Variants in PIEZO2 observed in about 807,000 individuals in gnomAD.
The protein encoded by PIEZO2 is piezo type mechanosensitive ion channel component 2, also known as piezo-type mechanosensitive ion channel component 2.
In PIEZO2, 172 loss-of-function variants were observed where a neutral mutation model predicts 337.3. The ratio of observed to expected loss-of-function variants is 0.51; its 90% CI spans 0.45 to 0.58. The LOEUF (loss-of-function observed/expected upper bound fraction) is 0.58, where lower values mean the gene tolerates loss of function less well. PIEZO2 is among the 20% of genes least tolerant of loss of function. PIEZO2 has a pLI of 0.00. For synonymous variants in PIEZO2, 1,251 were observed against 1,228.5 expected, an observed-to-expected ratio of 1.02 and a Z score of -0.38; for missense variants, 3,028 against 3,391.3, an observed-to-expected ratio of 0.89 and a Z score of 2.66.
At position 11,003,359 on chromosome 18, in the gene PIEZO2, C is replaced by T. The variant is rs965580828; in HGVS notation, c.161-23699G>A. 5.3e-5 allele frequency among the ~76,000 whole-genome samples: 8 copies of T among 152,032 alleles called. No individual in the cohort carries two copies. Among genetic ancestry groups the T allele is most frequent in the Non-Finnish European group, 7.4e-5 (5 of 68,004 alleles). The stretch of plus-strand genomic sequence containing the variant: ...CTGGAAACTGCGGCTTTAAGCAAAA[C>T]GATGTATAGCAAAAACAATTAAACC... On this transcript the variant is annotated intron_variant, in intron 2 of 55. Transcript: ENST00000674853. The surrounding 1 kb of genome is among the most constrained non-coding windows in gnomAD (Gnocchi z 4.6).
intron 7 of PIEZO2, among the ~76,000 whole-genome samples, chr18:10,838,154 G>A (rs1249043310): frequency 6.6e-6 from 1 of 152,024 alleles, no homozygotes. Context: ...TCCATTTCTT[G>A]TGGCATCCCA....
At chr18:10,990,989 A>G (rs1010346425) in intron 2 of PIEZO2, among the ~76,000 whole-genome samples, 1 of 151,992 alleles carries the variant, frequency 6.6e-6, no homozygotes, top group Non-Finnish European at 1.5e-5. Flanking sequence ...TAGTATATTT[A>G]TCTGGTTTGG....
rs2035635361 is a variant in PIEZO2, at chr18:10,707,543, A to G, written c.5588+732T>C. ...GCTGTTTTCGTGTCAGGAGAAACAC[A>G]GTGTAGCTGCTGACTTCATTGTGCC... is the stretch of plus-strand genomic sequence containing the variant. On this transcript the variant is annotated intron_variant, in intron 40 of 55. Coordinates refer to ENST00000674853, the MANE Select transcript of PIEZO2 (RefSeq NM_001378183.1). This position sits in a 1 kb window ranked among gnomAD's most constrained non-coding sequence, Gnocchi z 4.2. Among the ~76,000 whole-genome samples the G allele has an allele frequency of 6.6e-6, 1 of 152,306 alleles. No individual in the cohort carries two copies. Among genetic ancestry groups the G allele is most frequent in the South Asian group, 2.1e-4 (1 of 4,824 alleles).
rs1255354738 is a variant in PIEZO2, at chr18:10,945,833, T to G, written c.286+33702A>C. 6.6e-6 allele frequency among the ~76,000 whole-genome samples: 1 copy of G among 152,096 alleles called. No homozygotes were observed. Among genetic ancestry groups the G allele is most frequent in the African/African-American group, 2.4e-5 (1 of 41,414 alleles). ...ATAGAGAAGACATCAAAAGAAAAAA[T>G]TGGACTTCTTGAGATAATAACTATA... On this transcript the variant is annotated intron_variant, in intron 3 of 55. Transcript: ENST00000674853. The surrounding 1 kb of genome is among the most constrained non-coding windows in gnomAD (Gnocchi z 4.0).
At chr18:10,801,007 TA>T (rs2039793683) in intron 10 of PIEZO2, among the ~76,000 whole-genome samples, 1 of 152,254 alleles carries the variant, frequency 6.6e-6, no homozygotes, top group Non-Finnish European at 1.5e-5. Flanking sequence ...GCTATGTCCT[TA>T]CTACACCACT....
chr18:10,949,731 G>C lies in PIEZO2; in HGVS notation c.286+29804C>G, dbSNP rs148166883. 3.3e-5 allele frequency among the ~76,000 whole-genome samples: 5 copies of C among 152,324 alleles called. No homozygotes were observed. In the East Asian group the frequency reaches 9.6e-4, roughly 29 times the overall value. ...GCAGAGAGAAGGTGTTTTCTTTCCA[G>C]ACCCTCTAAGAAGTCATTATCAGAT... On this transcript the variant is annotated intron_variant, in intron 3 of 55. Coordinates refer to ENST00000674853, the MANE Select transcript of PIEZO2 (RefSeq NM_001378183.1).
intron 15 of PIEZO2, among the ~76,000 whole-genome samples, chr18:10,788,130 G>A (rs1028633590): frequency 3.3e-5 from 5 of 152,032 alleles, no homozygotes; most frequent in African/African-American, 9.7e-5. Flanking sequence ...GGCCAGGTGC[G>A]GTGGCTCATG....
At chr18:10,753,232 G>T (rs776593095) in intron 27 of PIEZO2, among the ~76,000 whole-genome samples, 1 of 152,188 alleles carries the variant, frequency 6.6e-6, no homozygotes, top group Non-Finnish European at 1.5e-5. Flanking sequence ...ATGCCTTCTG[G>T]CTAGTGAAAG....
At position 10,672,876 on chromosome 18, in the gene PIEZO2, A is replaced by G. The variant is rs1462823571; in HGVS notation, c.8162-3T>C. ...GGTAATATCCATGAAATTATTTTCTAGAAGGGTAGAAATGCAAAATTAAGT... is the reference window on the plus strand; with the variant it reads ...GGTAATATCCATGAAATTATTTTCTGGAAGGGTAGAAATGCAAAATTAAGT... On this transcript the variant is annotated splice_region_variant and splice_polypyrimidine_tract_variant and intron_variant, in intron 54 of 55. Transcript: ENST00000674853. This position sits in a 1 kb window ranked among gnomAD's most constrained non-coding sequence, Gnocchi z 4.7. 1.3e-6 allele frequency: 2 copies of G among 1,594,658 alleles called. No individual in the cohort carries two copies. The highest frequency in any genetic ancestry group is 1.7e-6 in the Non-Finnish European group (2 of 1,170,800).
At chr18:10,900,837 C>T (rs2043027553) in intron 4 of PIEZO2, among the ~76,000 whole-genome samples, 1 of 152,182 alleles carries the variant, frequency 6.6e-6, no homozygotes, top group South Asian at 2.1e-4. Context: ...CTAACCACAA[C>T]CTTCATTTTT....
intron 1 of PIEZO2, among the ~76,000 whole-genome samples, chr18:11,072,256 GAATAAAAACAA>G (rs1304281183): frequency 6.6e-6 from 1 of 152,080 alleles, no homozygotes; most frequent in Non-Finnish European, 1.5e-5. Flanking sequence ...ATGAATGAAT[GAATAAAAACAA>G]AATGAAAACA....
In PIEZO2 at chr18:11,016,683, G is replaced by A. The variant is rs1397316388; in HGVS notation, c.161-37023C>T. Among the ~76,000 whole-genome samples, 1 of 152,130 alleles carries A rather than the reference G, an allele frequency of 6.6e-6. No individual in the cohort carries two copies. Among genetic ancestry groups the A allele is most frequent in the Non-Finnish European group, 1.5e-5 (1 of 68,020 alleles). On this transcript the variant is annotated intron_variant, in intron 2 of 55. Coordinates refer to ENST00000674853, the MANE Select transcript of PIEZO2 (RefSeq NM_001378183.1). The surrounding 1 kb of genome is among the most constrained non-coding windows in gnomAD (Gnocchi z 5.6). Reference sequence around the variant, plus strand: ...ATGCACAAAACAGGTACATGGTGTTGAAGAAATCATGTTTCATGATGAAAA... The same window carrying A: ...ATGCACAAAACAGGTACATGGTGTTAAAGAAATCATGTTTCATGATGAAAA...
chr18:11,139,519 A>G (rs190886431), intron 1 of PIEZO2, among the ~76,000 whole-genome samples: 5 of 152,250 alleles, frequency 3.3e-5, no homozygotes, highest in South Asian at 2.1e-4. Context: ...TCATACCTGT[A>G]CCCACAATGT....
rs141024602 is a variant in PIEZO2, at chr18:10,941,267, G to A, written c.287-30039C>T. Among the ~76,000 whole-genome samples the A allele has an allele frequency of 4.9e-3, 748 of 152,216 alleles. 11 individuals are homozygous for A. Among genetic ancestry groups the A allele is most frequent in the African/African-American group, 0.017 (705 of 41,542 alleles). Reference sequence around the variant, plus strand: ...TTAGAGGACAAAAACTAAGTTAATAGCAGGCTCGCACTCTAGAATTGTCTT... The same window carrying A: ...TTAGAGGACAAAAACTAAGTTAATAACAGGCTCGCACTCTAGAATTGTCTT... On this transcript the variant is annotated intron_variant, in intron 3 of 55. Coordinates refer to ENST00000674853, the MANE Select transcript of PIEZO2 (RefSeq NM_001378183.1).
intron 3 of PIEZO2, among the ~76,000 whole-genome samples, chr18:10,944,174 A>G (rs2032879220): frequency 1.3e-5 from 2 of 152,172 alleles, no homozygotes; most frequent in Non-Finnish European, 2.9e-5. Context: ...TATTTAAAAC[A>G]AATACTCGGT....
Position 10,800,470 on chromosome 18 carries a change from C to G in PIEZO2, c.1245G>C (p.Leu415=). The part of the protein sequence containing the change: ...TQDDYKPSDG[L]LVTVNGNPVD... ...CGGGGTTGCCGTTCACAGTCACCAG[C>G]AGGCCCTGCCGGGAGTGCAGAGAAA... Residue 415 remains leucine, a synonymous_variant, in exon 11 of 56, where the codon CTG becomes CTC. Transcript: ENST00000674853. 6.5e-7 allele frequency: 1 copy of G among 1,529,466 alleles called. No homozygotes were observed. Among genetic ancestry groups the G allele is most frequent in the Non-Finnish European group, 8.7e-7 (1 of 1,143,626 alleles). 94.7% of individuals were successfully genotyped at this position (1,529,466 alleles called of 1,614,324 possible).
At chr18:10,762,899 A>T (rs1249127385) in intron 22 of PIEZO2, 23 bp downstream of exon 22, 1 of 1,533,838 alleles carries the variant, frequency 6.5e-7, no homozygotes, top group East Asian at 2.4e-5. Flanking sequence ...AGTCAGGAAT[A>T]TTCCCCCATC....
At position 10,677,688 on chromosome 18, in the gene PIEZO2, A is replaced by T. The variant is rs1360557200; in HGVS notation, c.8081+59T>A. 1.8e-5 allele frequency: 28 copies of T among 1,557,820 alleles called. No homozygotes were observed. Among genetic ancestry groups the T allele is most frequent in the Non-Finnish European group, 2.4e-5 (28 of 1,151,682 alleles). On this transcript the variant is annotated intron_variant, in intron 53 of 55. Coordinates refer to ENST00000674853, the MANE Select transcript of PIEZO2 (RefSeq NM_001378183.1). This position sits in a 1 kb window ranked among gnomAD's most constrained non-coding sequence, Gnocchi z 4.1. ...CATACACATGAATCTGTAGATGGAC[A>T]TTTTGTACCAGCTGCATATACCTAA...
rs2040287695 is a variant in PIEZO2 at position 11,129,758 on chromosome 18, A to T, written c.64+18767T>A. On this transcript the variant is annotated intron_variant, in intron 1 of 55. Transcript: ENST00000674853. The surrounding 1 kb of genome is among the most constrained non-coding windows in gnomAD (Gnocchi z 4.6). Reference sequence around the variant, plus strand: ...AGGGAAATGATCAGACATTTCAGGGACTACTGGCTCTGGCTCTGAGCTGAC... The same window carrying T: ...AGGGAAATGATCAGACATTTCAGGGTCTACTGGCTCTGGCTCTGAGCTGAC... Among the ~76,000 whole-genome samples the T allele has an allele frequency of 1.3e-5, 2 of 152,174 alleles. No individual in the cohort carries two copies. Among genetic ancestry groups the T allele is most frequent in the South Asian group, 4.1e-4 (2 of 4,836 alleles).
Sources: allele counts gnomAD v4.1 joint callset (sites outside exome capture counted in the v4.1 genomes callset), GRCh38; gene constraint gnomAD v4.1.1; non-coding constraint Gnocchi (gnomAD v3.1); transcripts MANE v1.5; gene names NCBI Gene and HGNC (gene_info 2026-07-23, HGNC 2026-07-21).